Variants in ZBTB20 observed in about 807,000 individuals in gnomAD.
The protein encoded by ZBTB20 is zinc finger and BTB domain-containing protein 20.
In ZBTB20, 9 loss-of-function variants were observed where a neutral mutation model predicts 56.9. The observed-to-expected ratio is 0.16, with a 90% CI of 0.10 to 0.28. The LOEUF is 0.28. Among genes scored for constraint, ZBTB20 ranks in the 10% least tolerant of loss-of-function variants. The probability of loss-of-function intolerance (pLI) is 1.00; values close to 1 mark genes in which losing one functional copy is unlikely to be tolerated. For synonymous variants in ZBTB20, 417 were observed against 420.7 expected, an observed-to-expected ratio of 0.99 and a Z score of 0.11; for missense variants, 655 against 1,003.0, an observed-to-expected ratio of 0.65 and a Z score of 4.69.
chr3:114,598,629 T>C (rs1356531813), intron 6 of ZBTB20, among the ~76,000 whole-genome samples: 2 of 152,058 alleles, frequency 1.3e-5, no homozygotes, highest in African/African-American at 2.4e-5. Flanking sequence ...TTCTATTCTG[T>C]TTGAATTCTT....
chr3:114,510,299 T>C (rs531426155), intron 6 of ZBTB20, among the ~76,000 whole-genome samples: 21 of 152,278 alleles, frequency 1.4e-4, no homozygotes, highest in African/African-American at 5.1e-4. Context: ...CTCTGACCAA[T>C]GAAGCCCAAA....
At chr3:114,978,684 GTGCT>G (rs1039998148) in intron 2 of ZBTB20, among the ~76,000 whole-genome samples, 1 of 151,684 alleles carries the variant, frequency 6.6e-6, no homozygotes, top group Admixed American at 6.6e-5. Context: ...GTGTGTGTGT[GTGCT>G]TGTGTGTGCA....
intron 2 of ZBTB20, among the ~76,000 whole-genome samples, chr3:115,040,125 T>A (rs951490333): frequency 2.0e-5 from 3 of 152,122 alleles, no homozygotes; most frequent in Non-Finnish European, 4.4e-5. Flanking sequence ...CAAAGTTACA[T>A]ATATAATTTT....
At chr3:115,040,093 A>G (rs970072187) in intron 2 of ZBTB20, among the ~76,000 whole-genome samples, 2 of 152,106 alleles carry the variant, frequency 1.3e-5, no homozygotes, top group African/African-American at 4.8e-5. Flanking sequence ...ATACAATTTC[A>G]TTTGTCAATT....
At chr3:114,558,995 C>G (rs915665012) in intron 6 of ZBTB20, among the ~76,000 whole-genome samples, 2 of 152,126 alleles carry the variant, frequency 1.3e-5, no homozygotes, top group African/African-American at 2.4e-5. Flanking sequence ...TACATGCCAT[C>G]CGTGTGAGAT....
At chr3:115,030,639 G>GA (rs1576605166) in intron 2 of ZBTB20, among the ~76,000 whole-genome samples, 1 of 150,526 alleles carries the variant, frequency 6.6e-6, no homozygotes, top group African/African-American at 2.4e-5. Context: ...AAGTCTGAAA[G>GA]AAAAAAAAGA....
At chr3:114,404,007 A>G (rs977175611) in intron 7 of ZBTB20, among the ~76,000 whole-genome samples, 1 of 152,144 alleles carries the variant, frequency 6.6e-6, no homozygotes, top group Non-Finnish European at 1.5e-5. Context: ...GTAAGAAGAG[A>G]TGAAAGAGTA....
rs551908203 is a variant in ZBTB20, at chr3:114,407,932, C to T, written c.-254-18827G>A. On this transcript the variant is annotated intron_variant, in intron 7 of 11. Coordinates refer to ENST00000675478, the MANE Select transcript of ZBTB20 (RefSeq NM_001348800.3). ...TATGAGGGGGGGGAAACATCTTTAA[C>T]TACTTTAACATACACACATCTGATA... Among the ~76,000 whole-genome samples, 3 of 152,164 alleles carry T rather than the reference C, an allele frequency of 2.0e-5. 1 individual carries two copies. Among genetic ancestry groups the T allele is most frequent in the African/African-American group, 4.8e-5 (2 of 41,526 alleles).
At chr3:114,916,084 A>C (rs1328133690) in intron 3 of ZBTB20, among the ~76,000 whole-genome samples, 1 of 152,108 alleles carries the variant, frequency 6.6e-6, no homozygotes, top group Admixed American at 6.6e-5. Flanking sequence ...TATGGTGCAG[A>C]TTAAGTCCAA....
intron 6 of ZBTB20, among the ~76,000 whole-genome samples, chr3:114,571,967 A>G (rs2053486174): frequency 6.6e-6 from 1 of 152,182 alleles, no homozygotes; most frequent in African/African-American, 2.4e-5. Context: ...TGCAAGTCCA[A>G]CTACTTGTCC....
At chr3:114,821,968 T>C (rs2073275171) in intron 4 of ZBTB20, among the ~76,000 whole-genome samples, 1 of 152,042 alleles carries the variant, frequency 6.6e-6, no homozygotes, top group Non-Finnish European at 1.5e-5. Flanking sequence ...GGAAATAAAA[T>C]GAATGAATAA....
At chr3:115,064,670 A>G (rs958644132) in intron 2 of ZBTB20, among the ~76,000 whole-genome samples, 1 of 151,816 alleles carries the variant, frequency 6.6e-6, no homozygotes, top group Non-Finnish European at 1.5e-5. Context: ...GCTGGTCTCG[A>G]GCTCCTGACC....
chr3:114,478,006 G>A (rs1318938625), intron 7 of ZBTB20, among the ~76,000 whole-genome samples: 1 of 121,570 alleles, frequency 8.2e-6, no homozygotes, highest in African/African-American at 3.0e-5. Flanking sequence ...TTGAGGCAGA[G>A]TTTCATTCTT....
At chr3:114,430,075 A>C (rs1422031565) in intron 7 of ZBTB20, among the ~76,000 whole-genome samples, 1 of 152,220 alleles carries the variant, frequency 6.6e-6, no homozygotes, top group Admixed American at 6.5e-5. Flanking sequence ...AGATGAACAA[A>C]AATTGAGTAG....
intron 1 of ZBTB20, among the ~76,000 whole-genome samples, chr3:115,120,244 G>A (rs2084144788): frequency 6.6e-6 from 1 of 152,036 alleles, no homozygotes; most frequent in South Asian, 2.1e-4. Flanking sequence ...GCTGGAAAAC[G>A]TTACTAATGG....
chr3:114,759,612 C>T (rs1257233690), intron 5 of ZBTB20, among the ~76,000 whole-genome samples: 1 of 152,034 alleles, frequency 6.6e-6, no homozygotes, highest in Non-Finnish European at 1.5e-5. Context: ...GGGTAACAGT[C>T]TGGAAACACA....
chr3:114,745,469 G>A (rs564835948), intron 5 of ZBTB20, among the ~76,000 whole-genome samples: 1 of 152,200 alleles, frequency 6.6e-6, no homozygotes, highest in East Asian at 1.9e-4. Flanking sequence ...CAGAGGCCAG[G>A]ATAAAGAGAC....
chr3:114,356,834 G>C (rs1263704240), intron 10 of ZBTB20, among the ~76,000 whole-genome samples: 1 of 152,162 alleles, frequency 6.6e-6, no homozygotes, highest in Non-Finnish European at 1.5e-5. Flanking sequence ...AGGTATAGTA[G>C]TTTCTTGCTA....
At chr3:114,997,029 TTGG>T (rs141276866) in intron 2 of ZBTB20, among the ~76,000 whole-genome samples, 35,389 of 151,616 alleles carry the variant, frequency 0.23, 4,723 homozygotes, top group East Asian at 0.64. Context: ...TTTTACCCTG[TTGG>T]TGGGAGTGTA....
Sources: allele counts gnomAD v4.1 joint callset (sites outside exome capture counted in the v4.1 genomes callset), GRCh38; gene constraint gnomAD v4.1.1; transcripts MANE v1.5; gene names NCBI Gene and HGNC (gene_info 2026-07-23, HGNC 2026-07-21).